KCNJ1: variants seen among roughly 807,000 people sequenced by gnomAD.
The protein encoded by KCNJ1 is potassium inwardly rectifying channel subfamily J member 1.
A neutral mutation model predicts 21.9 loss-of-function variants in KCNJ1; 24 were observed. The observed-to-expected ratio is 1.10, with a 90% CI of 0.79 to 1.54. KCNJ1 has a LOEUF of 1.54. Ranked by LOEUF, KCNJ1 falls within the 40% of genes most tolerant of loss-of-function variation. The pLI, the probability that KCNJ1 is intolerant of heterozygous loss-of-function variation, is 0.00. For missense variants in KCNJ1, 457 were observed against 455.4 expected, an observed-to-expected ratio of 1.00 and a Z score of -0.03; for synonymous variants, 152 against 160.9, an observed-to-expected ratio of 0.94 and a Z score of 0.42.
Position 128,838,933 on chromosome 11 carries a change from G to A in KCNJ1, c.*192C>T, listed in dbSNP as rs1943214980. ...CCAGTTTCATATAAATGCATTGCAC[G>A]TTCTAATACAGTAGCCTTGTGGAGA... On this transcript the variant is annotated 3_prime_UTR_variant, in exon 3 of 3. Coordinates refer to ENST00000392666, the MANE Select transcript of KCNJ1 (RefSeq NM_153766.3). The A allele has an allele frequency of 1.5e-5, 9 of 611,302 alleles. No individual in the cohort carries two copies. Among genetic ancestry groups the A allele is most frequent in the African/African-American group, 3.7e-5 (2 of 54,030 alleles). The allele number at this position is 611,302 out of a possible 1,614,324, so 37.9% of individuals were successfully genotyped here. A position where few individuals can be genotyped will look rare whatever the true frequency, so the allele number is the denominator to read the frequency against.
In KCNJ1 at chr11:128,839,245, G is replaced by A; in HGVS notation, c.999C>T (p.Thr333=). The A allele has an allele frequency of 1.2e-6, 2 of 1,614,080 alleles. No individual in the cohort carries two copies. The highest frequency in any genetic ancestry group is 1.1e-5 in the South Asian group (1 of 91,066). ...TATAAAGGCACATGGCACAGTGAGG[G>A]GTCTCCACTTCCACTGTCTTGCTAA... is the stretch of plus-strand genomic sequence containing the variant. The part of the protein sequence containing the change: ...HNFSKTVEVE[T]PHCAMCLYNE... Residue 333 remains threonine, a synonymous_variant, in exon 3 of 3, where the codon ACC becomes ACT. Transcript: ENST00000392666.
intron 2 of KCNJ1, among the ~76,000 whole-genome samples, chr11:128,846,802 C>T (rs1380349907): frequency 2.6e-5 from 4 of 152,064 alleles, no homozygotes; most frequent in East Asian, 1.9e-4. Flanking sequence ...AAGGTGACCT[C>T]GTACTACCGG....
chr11:128,840,000 C>T lies in KCNJ1; in HGVS notation c.244G>A (p.Ala82Thr). Reference sequence around the variant, plus strand: ...AGGTCTTTGTGAATGTACGCTACTGCATACCACAGGAGACCAAAGAAAAAC... The same window carrying T: ...AGGTCTTTGTGAATGTACGCTACTGTATACCACAGGAGACCAAAGAAAAAC... Reference protein sequence around the residue: ...SWFFFGLLWYAVAYIHKDLPE... With the variant: ...SWFFFGLLWYTVAYIHKDLPE... Residue 82 changes from alanine to threonine, a missense_variant, in exon 3 of 3, where the codon GCA (alanine) becomes ACA (threonine). Transcript: ENST00000392666. 1 of 1,614,114 alleles carries T rather than the reference C, an allele frequency of 6.2e-7. No individual in the cohort carries two copies. Among genetic ancestry groups the T allele is most frequent in the African/African-American group, 1.3e-5 (1 of 75,062 alleles).
At position 128,838,859 on chromosome 11, in the gene KCNJ1, C is replaced by G. The variant is rs1943213955; in HGVS notation, c.*266G>C. On this transcript the variant is annotated 3_prime_UTR_variant, in exon 3 of 3. Transcript: ENST00000392666. ...TGCTCCAATCCACCTTATATGAGCT[C>G]AAATAATCATATTTAAGATTTCAAG... The G allele has an allele frequency of 2.0e-6, 1 of 495,270 alleles. No individual in the cohort carries two copies. Among genetic ancestry groups the G allele is most frequent in the East Asian group, 3.6e-5 (1 of 27,594 alleles). The allele number at this position is 495,270 out of a possible 1,614,324, so 30.7% of individuals were successfully genotyped here.
intron 1 of KCNJ1, among the ~76,000 whole-genome samples, chr11:128,852,832 A>C (rs571183400): frequency 6.6e-6 from 1 of 152,360 alleles, no homozygotes. Context: ...CAAGGAAGAC[A>C]AGCAGGAAGG....
intron 1 of KCNJ1, among the ~76,000 whole-genome samples, chr11:128,852,519 C>T (rs1046807219): frequency 3.9e-5 from 6 of 152,216 alleles, no homozygotes; most frequent in East Asian, 1.9e-4. Flanking sequence ...TGGAGCGGCA[C>T]GTCATATCAC....
At chr11:128,842,175 C>G (rs1488950873) in intron 2 of KCNJ1, among the ~76,000 whole-genome samples, 3 of 152,238 alleles carry the variant, frequency 2.0e-5, no homozygotes, top group Middle Eastern at 3.2e-3. Flanking sequence ...TCCTAACACA[C>G]CAACTTCTGA....
chr11:128,857,530 G>A, intron 1 of KCNJ1, among the ~76,000 whole-genome samples: 1 of 152,242 alleles, frequency 6.6e-6, no homozygotes. Flanking sequence ...CACAAGTGCA[G>A]GGACCTGTCA....
At chr11:128,856,956 A>G (rs890625058) in intron 1 of KCNJ1, among the ~76,000 whole-genome samples, 2 of 152,124 alleles carry the variant, frequency 1.3e-5, no homozygotes, top group Non-Finnish European at 2.9e-5. Context: ...AAATCGGATC[A>G]TGCTGCTGCC....
chr11:128,858,896 T>C (rs1565529973), intron 1 of KCNJ1, among the ~76,000 whole-genome samples: 1 of 152,248 alleles, frequency 6.6e-6, no homozygotes, highest in Non-Finnish European at 1.5e-5. Context: ...AAACTCATCC[T>C]TTCCCATGTG....
rs1212067259 is a variant in KCNJ1 at position 128,838,812 on chromosome 11, T to A, written c.*313A>T. On this transcript the variant is annotated 3_prime_UTR_variant, in exon 3 of 3. Transcript: ENST00000392666. ...AAAAATATTTTGTTTGGCCTGTTCA[T>A]GAAACTTTTGATAATTTTATCTGCT... is the stretch of plus-strand genomic sequence containing the variant. 3.0e-6 allele frequency: 1 copy of A among 337,508 alleles called. No homozygotes were observed. Among genetic ancestry groups the A allele is most frequent in the African/African-American group, 2.1e-5 (1 of 46,912 alleles). 20.9% of individuals were successfully genotyped at this position (337,508 alleles called of 1,614,324 possible).
In KCNJ1 at chr11:128,843,383, C is replaced by A. The variant is rs1314494891; in HGVS notation, c.-21-3119G>T. ...AATCTTAATAGCAAGCAAAGGGCTG[C>A]ACATTAGCTAATATTTACCAAGGTA... is the stretch of plus-strand genomic sequence containing the variant. On this transcript the variant is annotated intron_variant, in intron 2 of 2. Coordinates refer to ENST00000392666, the MANE Select transcript of KCNJ1 (RefSeq NM_153766.3). Among the ~76,000 whole-genome samples the A allele has an allele frequency of 2.0e-5, 3 of 152,180 alleles. No individual in the cohort carries two copies. The East Asian group carries it at 5.8e-4, about 29-fold the overall frequency.
chr11:128,855,783 T>C (rs938439403), intron 1 of KCNJ1, among the ~76,000 whole-genome samples: 1 of 152,200 alleles, frequency 6.6e-6, no homozygotes, highest in African/African-American at 2.4e-5. Context: ...GCCAGGCTCC[T>C]TCCTTGTTTA....
chr11:128,855,076 A>G lies in KCNJ1; in HGVS notation c.-191-4186T>C, dbSNP rs114050262. Among the ~76,000 whole-genome samples the G allele has an allele frequency of 4.1e-3, 617 of 152,320 alleles. 3 individuals carry two copies. Among genetic ancestry groups the G allele is most frequent in the African/African-American group, 0.014 (572 of 41,570 alleles). ...TTTTACAGAGCTAATTTCTCAATGTAATCGATTAAGCCTGGAAAACAAACA... is the reference window on the plus strand; with the variant it reads ...TTTTACAGAGCTAATTTCTCAATGTGATCGATTAAGCCTGGAAAACAAACA... On this transcript the variant is annotated intron_variant, in intron 1 of 2. Coordinates refer to ENST00000392666, the MANE Select transcript of KCNJ1 (RefSeq NM_153766.3).
At chr11:128,842,281 G>T in intron 2 of KCNJ1, 1 of 1,284,812 alleles carries the variant, frequency 7.8e-7, no homozygotes, top group Non-Finnish European at 1.1e-6. Flanking sequence ...AGTACCCCCT[G>T]ATTGATCACT....
chr11:128,853,092 A>G (rs1943505896), intron 1 of KCNJ1, among the ~76,000 whole-genome samples: 1 of 152,268 alleles, frequency 6.6e-6, no homozygotes, highest in Non-Finnish European at 1.5e-5. Context: ...GAAGCGTTTC[A>G]GTCTCAAAGA....
rs1047589955 is a variant in KCNJ1 at position 128,839,230 on chromosome 11, C to T, written c.1014G>A (p.Met338Ile). The T allele has an allele frequency of 5.0e-6, 8 of 1,614,046 alleles. No individual in the cohort carries two copies. The highest frequency in any genetic ancestry group is 6.8e-6 in the Non-Finnish European group (8 of 1,180,012). Residue 338 changes from methionine (M) to isoleucine (I), a missense_variant, in exon 3 of 3, where the codon ATG (methionine) becomes ATA (isoleucine). By Grantham distance (10) the Met-to-Ile change is conservative (BLOSUM62 1). Transcript: ENST00000392666. Reference protein sequence around the residue: ...TVEVETPHCAMCLYNEKDVRA... With the variant: ...TVEVETPHCAICLYNEKDVRA... ...TAACATCTTTCTCATTATAAAGGCA[C>T]ATGGCACAGTGAGGGGTCTCCACTT... is the stretch of plus-strand genomic sequence containing the variant.
At chr11:128,853,237 T>C (rs750771132) in intron 1 of KCNJ1, among the ~76,000 whole-genome samples, 1 of 152,238 alleles carries the variant, frequency 6.6e-6, no homozygotes, top group African/African-American at 2.4e-5. Flanking sequence ...TTATTCATAA[T>C]AGCCAAAGAG....
intron 2 of KCNJ1, among the ~76,000 whole-genome samples, chr11:128,848,806 T>C (rs185521921): frequency 5.3e-5 from 8 of 152,308 alleles, no homozygotes; most frequent in Admixed American, 2.0e-4. Context: ...TGTTGCTTTA[T>C]TGGATATAAG....
Sources: allele counts gnomAD v4.1 joint callset (sites outside exome capture counted in the v4.1 genomes callset), GRCh38; gene constraint gnomAD v4.1.1; transcripts MANE v1.5; gene names NCBI Gene and HGNC (gene_info 2026-07-23, HGNC 2026-07-21).